Variants in TBC1D32 observed in about 807,000 individuals in gnomAD.
TBC1D32 encodes protein broad-minded.
Under a neutral mutation model 170.3 loss-of-function variants are expected in TBC1D32, and 151 were observed. The ratio of observed to expected loss-of-function variants is 0.89; its 90% confidence interval spans 0.78 to 1.01. TBC1D32 has a LOEUF of 1.01. Ranked by LOEUF, TBC1D32 falls within the 50% of genes least tolerant of loss-of-function variation. The probability of loss-of-function intolerance (pLI) is 0.00; values close to 1 mark genes in which losing one functional copy is unlikely to be tolerated. For missense variants in TBC1D32, 1,464 were observed against 1,457.1 expected (o/e 1.00, Z -0.08); for synonymous variants, 498 against 488.0 (o/e 1.02, Z -0.27).
intron 27 of TBC1D32, among the ~76,000 whole-genome samples, chr6:121,114,913 T>A (rs1412184037): frequency 2.6e-5 from 4 of 152,130 alleles, no homozygotes; most frequent in Non-Finnish European, 5.9e-5. Context: ...GTTATTTTTG[T>A]AAAAAACCTG....
intron 11 of TBC1D32, among the ~76,000 whole-genome samples, chr6:121,293,474 T>C (rs1212560533): frequency 6.6e-6 from 1 of 152,170 alleles, no homozygotes; most frequent in Non-Finnish European, 1.5e-5. Flanking sequence ...GATATCGTCA[T>C]ACTCTCAAAA....
chr6:121,174,050 T>C (rs1312397616), intron 22 of TBC1D32, among the ~76,000 whole-genome samples: 1 of 152,072 alleles, frequency 6.6e-6, no homozygotes, highest in Admixed American at 6.6e-5. Context: ...TTAAGCTCCT[T>C]GCACAAAATA....
Position 121,103,135 on chromosome 6 carries a change from G to A in TBC1D32, c.3465+2888C>T, listed in dbSNP as rs184760706. 9.3e-4 allele frequency among the ~76,000 whole-genome samples: 142 copies of A among 152,202 alleles called. 1 individual carries two copies. The highest frequency in any genetic ancestry group is 3.3e-3 in the African/African-American group (136 of 41,548). On this transcript the variant is annotated intron_variant, in intron 30 of 31. Coordinates refer to ENST00000398212, the MANE Select transcript of TBC1D32 (RefSeq NM_152730.6). Reference sequence around the variant, plus strand: ...ATAGGAACACTTTTACACTGTTGGTGGGACTGTAAACTAGTTCAACCATTG... The same window carrying A: ...ATAGGAACACTTTTACACTGTTGGTAGGACTGTAAACTAGTTCAACCATTG...
chr6:121,175,599 C>T (rs1034108110), intron 22 of TBC1D32, among the ~76,000 whole-genome samples: 4 of 152,096 alleles, frequency 2.6e-5, no homozygotes, highest in Non-Finnish European at 2.9e-5. Context: ...ATATAATCAT[C>T]GGAACAGATG....
rs1160372863 is a variant in TBC1D32, at chr6:121,092,293, GTTTTTTTTTTT to G, written c.3466-1263_3466-1253del. ...AATATCTCTTCTCCTTCAGTTTTAT[GTTTTTTTTTTT>G]TTTTTTTTTTTTTTTTTTTGGAGAT... is the stretch of plus-strand genomic sequence containing the variant. On this transcript the variant is annotated intron_variant, in intron 30 of 31. Transcript: ENST00000398212. Among the ~76,000 whole-genome samples the G allele has an allele frequency of 2.8e-4, 14 of 50,402 alleles. No individual in the cohort carries two copies. The East Asian group carries it at 3.9e-3, about 14-fold the overall frequency. The allele number at this position is 50,402 out of a possible 152,430, so 33.1% of individuals were successfully genotyped here. A position where few individuals can be genotyped will look rare whatever the true frequency, so the allele number is the denominator to read the frequency against.
intron 22 of TBC1D32, among the ~76,000 whole-genome samples, chr6:121,162,747 A>G (rs6569177): frequency 0.95 from 141,602 of 149,484 alleles, 67,543 homozygotes; most frequent in Non-Finnish European, 1. Context: ...GAACAGCTCC[A>G]GTCTACAGCT....
Position 121,080,544 on chromosome 6 carries a change from A to T in TBC1D32, c.*227T>A. On this transcript the variant is annotated 3_prime_UTR_variant, in exon 32 of 32. Coordinates refer to ENST00000398212, the MANE Select transcript of TBC1D32 (RefSeq NM_152730.6). Reference sequence around the variant, plus strand: ...TAACTCTTAAACATGAATAAGAACTAAAAGTAAGCTAGATCTGATTCTATA... The same window carrying T: ...TAACTCTTAAACATGAATAAGAACTTAAAGTAAGCTAGATCTGATTCTATA... 1 of 488,242 alleles carries T rather than the reference A, an allele frequency of 2.0e-6. No individual in the cohort carries two copies. The highest frequency in any genetic ancestry group is 3.3e-6 in the Non-Finnish European group (1 of 298,978). The allele number at this position is 488,242 out of a possible 1,614,324, so 30.2% of individuals were successfully genotyped here. A position where few individuals can be genotyped will look rare whatever the true frequency, so the allele number is the denominator to read the frequency against.
intron 1 of TBC1D32, among the ~76,000 whole-genome samples, chr6:121,329,360 G>A (rs1440623184): frequency 6.6e-6 from 1 of 152,044 alleles, no homozygotes; most frequent in Admixed American, 6.6e-5. Context: ...TATTTAAAAA[G>A]GCAAGCGGTC....
rs9387918 is a variant in TBC1D32 at position 121,082,274 on chromosome 6, T to A, written c.3655-1384A>T. ...TTATCCTATGAATAGCAGAAATACT[T>A]GGTCTTTGTAAATTCCTGTCCCATT... On this transcript the variant is annotated intron_variant, in intron 31 of 31. Transcript: ENST00000398212. Among the ~76,000 whole-genome samples the A allele has an allele frequency of 2.8e-3, 427 of 151,872 alleles. 1 individual carries two copies. Among genetic ancestry groups the A allele is most frequent in the Non-Finnish European group, 3.2e-3 (216 of 67,806 alleles).
chr6:121,262,037 T>C (rs555688301), intron 15 of TBC1D32, among the ~76,000 whole-genome samples: 190 of 152,246 alleles, frequency 1.2e-3, no homozygotes, highest in African/African-American at 3.9e-3. Context: ...AAAATACCAG[T>C]GTTTGAAGAC....
chr6:121,314,091 C>T (rs1307561016), intron 3 of TBC1D32, among the ~76,000 whole-genome samples: 1 of 152,200 alleles, frequency 6.6e-6, no homozygotes, highest in African/African-American at 2.4e-5. Context: ...CAAAATAGAG[C>T]TCAGGTTGTT....
chr6:121,099,282 G>C (rs2128184526), intron 30 of TBC1D32, among the ~76,000 whole-genome samples: 1 of 151,916 alleles, frequency 6.6e-6, no homozygotes, highest in East Asian at 1.9e-4. Context: ...AATACAGTAA[G>C]ACTTTTTTTA....
intron 5 of TBC1D32, among the ~76,000 whole-genome samples, chr6:121,307,730 G>A (rs1165485883): frequency 6.6e-6 from 1 of 151,980 alleles, no homozygotes; most frequent in African/African-American, 2.4e-5. Flanking sequence ...CTTGGTGGTG[G>A]CATGCCTATA....
chr6:121,213,538 TAAAATA>T, intron 21 of TBC1D32, among the ~76,000 whole-genome samples: 2 of 88,446 alleles, frequency 2.3e-5, no homozygotes, highest in African/African-American at 9.9e-5. Flanking sequence ...TAAAATAAAA[TAAAATA>T]AAATAAAATA....
chr6:121,162,151 C>T (rs573760032), intron 22 of TBC1D32, among the ~76,000 whole-genome samples: 1 of 152,288 alleles, frequency 6.6e-6, no homozygotes, highest in East Asian at 1.9e-4. Context: ...GTTGTCTGTC[C>T]ACTCTGATGA....
intron 17 of TBC1D32, among the ~76,000 whole-genome samples, chr6:121,244,672 G>A (rs772117491): frequency 2.6e-5 from 4 of 152,060 alleles, no homozygotes; most frequent in Non-Finnish European, 5.9e-5. Flanking sequence ...GCTGAGTTCT[G>A]AAGATACACA....
chr6:121,219,919 T>A (rs1794301799), intron 21 of TBC1D32, among the ~76,000 whole-genome samples: 1 of 152,230 alleles, frequency 6.6e-6, no homozygotes, highest in South Asian at 2.1e-4. Context: ...TTGATGTTAC[T>A]ATTTTAATTA....
intron 24 of TBC1D32, among the ~76,000 whole-genome samples, chr6:121,156,026 G>C (rs1784837671): frequency 6.6e-6 from 1 of 151,764 alleles, no homozygotes; most frequent in Admixed American, 6.6e-5. Context: ...TATTGGCTTT[G>C]TAAAATAAGT....
chr6:121,183,419 G>T (rs1057006222), intron 22 of TBC1D32, among the ~76,000 whole-genome samples: 1 of 152,082 alleles, frequency 6.6e-6, no homozygotes, highest in East Asian at 1.9e-4. Context: ...GGCACGGCAG[G>T]TGGCTAGAGG....
Sources: gnomAD v4.1 joint callset for allele counts (sites outside exome capture counted in the v4.1 genomes callset) on GRCh38, gnomAD v4.1.1 for gene constraint, MANE v1.5 for transcripts, NCBI Gene and HGNC (gene_info 2026-07-23, HGNC 2026-07-21) for gene names.